The following PTPRM variants were observed in gnomAD, a reference collection of about 807,000 sequenced individuals.
The protein encoded by PTPRM is receptor-type tyrosine-protein phosphatase mu.
PTPRM carries 47 observed loss-of-function variants against 186.7 expected under a neutral mutation model. The ratio of observed to expected loss-of-function variants is 0.25; its 90% CI spans 0.20 to 0.32. The LOEUF is 0.32. Ranked by LOEUF, PTPRM falls within the 10% of genes least tolerant of loss-of-function variation. PTPRM has a pLI of 1.00. For missense variants in PTPRM, 1,494 were observed against 1,865.0 expected (o/e 0.80, Z 3.66); for synonymous variants, 668 against 674.9 (o/e 0.99, Z 0.16).
intron 23 of PTPRM, among the ~76,000 whole-genome samples, chr18:8,358,861 G>T (rs2095579408): frequency 6.6e-6 from 1 of 152,140 alleles, no homozygotes; most frequent in African/African-American, 2.4e-5. Flanking sequence ...CAAAATAACT[G>T]AGTGCATACG....
intron 2 of PTPRM, among the ~76,000 whole-genome samples, chr18:7,860,082 T>TTA (rs2047291047): frequency 6.6e-6 from 1 of 152,034 alleles, no homozygotes; most frequent in Admixed American, 6.6e-5. Flanking sequence ...TTATTTTATT[T>TTA]TTTTTTTTGA....
chr18:8,141,155 C>G (rs1486746363), intron 13 of PTPRM, among the ~76,000 whole-genome samples: 1 of 152,152 alleles, frequency 6.6e-6, no homozygotes, highest in African/African-American at 2.4e-5. Flanking sequence ...AAAGCAGGAA[C>G]TTCCTGGGCA....
intron 1 of PTPRM, among the ~76,000 whole-genome samples, chr18:7,578,084 A>G (rs78469414): frequency 0.014 from 2,155 of 152,168 alleles, 61 homozygotes; most frequent in African/African-American, 0.049. Context: ...TTCTACCTCT[A>G]AGTAGCCATG....
chr18:7,836,127 C>A (rs2046036672), intron 2 of PTPRM, among the ~76,000 whole-genome samples: 1 of 151,946 alleles, frequency 6.6e-6, no homozygotes, highest in African/African-American at 2.4e-5. Flanking sequence ...CTTACTCCTG[C>A]CATTTTGTTA....
intron 1 of PTPRM, among the ~76,000 whole-genome samples, chr18:7,616,191 C>T (rs1434019598): frequency 5.9e-5 from 9 of 152,160 alleles, no homozygotes; most frequent in Non-Finnish European, 1.0e-4. Flanking sequence ...GGGTCTCACT[C>T]TGTTGCCAAG....
At chr18:8,253,107 C>T (rs1463266659) in intron 18 of PTPRM, 120 bp from the exon 19 acceptor site, 2 of 712,310 alleles carry the variant, frequency 2.8e-6, no homozygotes, top group Non-Finnish European at 4.1e-6. Flanking sequence ...GCTGAGCCAT[C>T]GTAGGGAATT....
At chr18:7,649,639 TG>T (rs1294111072) in intron 1 of PTPRM, among the ~76,000 whole-genome samples, 1 of 152,030 alleles carries the variant, frequency 6.6e-6, no homozygotes, top group Non-Finnish European at 1.5e-5. Context: ...CTACAGATGG[TG>T]TAGTTACCCG....
intron 7 of PTPRM, among the ~76,000 whole-genome samples, chr18:8,060,216 C>T (rs1407000503): frequency 0.013 from 1,257 of 93,578 alleles, no homozygotes; most frequent in African/African-American, 0.026. Flanking sequence ...GTATCCATTT[C>T]TTCTAGATTT....
chr18:7,690,132 T>G (rs1250646864), intron 1 of PTPRM, among the ~76,000 whole-genome samples: 1 of 152,230 alleles, frequency 6.6e-6, no homozygotes, highest in African/African-American at 2.4e-5. Flanking sequence ...TTGTGATAGA[T>G]GATCTGTATA....
At chr18:8,074,839 C>G (rs2089706746) in intron 8 of PTPRM, among the ~76,000 whole-genome samples, 1 of 152,114 alleles carries the variant, frequency 6.6e-6, no homozygotes, top group Non-Finnish European at 1.5e-5. Context: ...AGCCTTCTCC[C>G]ATTCTGTGTC....
chr18:7,742,512 G>T (rs185588943), intron 1 of PTPRM, among the ~76,000 whole-genome samples: 4 of 152,254 alleles, frequency 2.6e-5, no homozygotes, highest in Non-Finnish European at 5.9e-5. Flanking sequence ...TGGATAAAAA[G>T]ATGTATATTT....
intron 20 of PTPRM, among the ~76,000 whole-genome samples, chr18:8,298,075 G>A (rs16953201): frequency 3.3e-5 from 5 of 152,094 alleles, no homozygotes; most frequent in Non-Finnish European, 5.9e-5. Context: ...CAGTCAGATC[G>A]CTGTGGCAGT....
At chr18:7,671,773 CAAATA>C (rs1433365579) in intron 1 of PTPRM, among the ~76,000 whole-genome samples, 8 of 152,078 alleles carry the variant, frequency 5.3e-5, no homozygotes, top group Admixed American at 6.6e-5. Context: ...AAAAAATAAG[CAAATA>C]AAATCTTTAA....
At chr18:8,154,225 A>T (rs117550241) in intron 14 of PTPRM, among the ~76,000 whole-genome samples, 1,533 of 152,308 alleles carry the variant, frequency 0.01, 14 homozygotes, top group Non-Finnish European at 0.016. Context: ...GAGGGAAGGA[A>T]AGGAACTGCC....
intron 7 of PTPRM, among the ~76,000 whole-genome samples, chr18:8,063,232 C>A (rs545855470): frequency 6.6e-6 from 1 of 151,088 alleles, no homozygotes; most frequent in African/African-American, 2.5e-5. Flanking sequence ...CAGGTGCGCC[C>A]GTCACCCCTT....
At chr18:8,372,056 C>CTTTTTTTTTTT (rs557766971) in intron 24 of PTPRM, among the ~76,000 whole-genome samples, 2 of 59,068 alleles carry the variant, frequency 3.4e-5, no homozygotes, top group Admixed American at 1.9e-4. Flanking sequence ...ACTCTATATT[C>CTTTTTTTTTTT]TTTTTTTTTT....
intron 22 of PTPRM, among the ~76,000 whole-genome samples, chr18:8,337,762 G>A (rs1360690871): frequency 2.6e-5 from 4 of 152,300 alleles, no homozygotes; most frequent in African/African-American, 9.6e-5. Context: ...TCAGCAGAGG[G>A]GGGTCTTGCG....
chr18:8,234,050 G>C (rs2094317185), intron 14 of PTPRM, among the ~76,000 whole-genome samples: 1 of 152,090 alleles, frequency 6.6e-6, no homozygotes, highest in Non-Finnish European at 1.5e-5. Flanking sequence ...CTGGAAGTCA[G>C]GTAGTATCAA....
intron 14 of PTPRM, among the ~76,000 whole-genome samples, chr18:8,165,231 G>A (rs1359517542): frequency 6.6e-6 from 1 of 151,974 alleles, no homozygotes; most frequent in Non-Finnish European, 1.5e-5. Context: ...ATTTAGACAG[G>A]TTTTGAATTC....
Sources: gnomAD v4.1 joint callset for allele counts (sites outside exome capture counted in the v4.1 genomes callset) on GRCh38, gnomAD v4.1.1 for gene constraint, MANE v1.5 for transcripts, NCBI Gene and HGNC (gene_info 2026-07-23, HGNC 2026-07-21) for gene names.